GRK3: variants seen among roughly 807,000 people sequenced by gnomAD.
GRK3 encodes the protein G protein-coupled receptor kinase 3.
A neutral mutation model predicts 95.7 loss-of-function variants in GRK3; 54 were observed. The observed-to-expected ratio is 0.56, with a 90% confidence interval of 0.45 to 0.71. The LOEUF (loss-of-function observed/expected upper bound fraction) is 0.71. Ranked by LOEUF, GRK3 falls within the 30% of genes least tolerant of loss-of-function variation. The pLI is 0.00. For synonymous variants in GRK3, 281 were observed against 290.8 expected, an observed-to-expected ratio of 0.97 and a Z score of 0.34; for missense variants, 649 against 851.2, an observed-to-expected ratio of 0.76 and a Z score of 2.96.
At chr22:25,592,455 C>A (rs1932525603) in intron 1 of GRK3, among the ~76,000 whole-genome samples, 1 of 152,088 alleles carries the variant, frequency 6.6e-6, no homozygotes, top group Non-Finnish European at 1.5e-5. Context: ...AGTGTCTTTT[C>A]AGGAGCAGCA....
chr22:25,722,272 T>C lies in GRK3; in HGVS notation c.1906-17T>C. On this transcript the variant is annotated splice_polypyrimidine_tract_variant and intron_variant, in intron 20 of 20. Transcript: ENST00000324198. Reference sequence around the variant, plus strand: ...GGGTGAGCCTGTCACAACGGCTGCCTTTGTATTCCCCCTCAGAGTGATCCA... The same window carrying C: ...GGGTGAGCCTGTCACAACGGCTGCCCTTGTATTCCCCCTCAGAGTGATCCA... The C allele has an allele frequency of 6.2e-7, 1 of 1,611,030 alleles. No homozygotes were observed. The highest frequency in any genetic ancestry group is 8.5e-7 in the Non-Finnish European group (1 of 1,177,438).
intron 1 of GRK3, among the ~76,000 whole-genome samples, chr22:25,572,846 C>T (rs1211658746): frequency 6.6e-6 from 1 of 152,206 alleles, no homozygotes; most frequent in Non-Finnish European, 1.5e-5. Context: ...CTTTCTTAGA[C>T]ATTAACAGAT....
At chr22:25,628,040 T>C (rs1258800790) in intron 2 of GRK3, among the ~76,000 whole-genome samples, 2 of 152,186 alleles carry the variant, frequency 1.3e-5, no homozygotes, top group Non-Finnish European at 2.9e-5. Context: ...AAAGGTCCTA[T>C]TGAGAGACAG....
intron 13 of GRK3, among the ~76,000 whole-genome samples, chr22:25,702,278 T>C (rs1010799341): frequency 9.9e-5 from 15 of 152,274 alleles, no homozygotes; most frequent in African/African-American, 3.6e-4. Flanking sequence ...ACCTAATTAA[T>C]TCAGTAGGAT....
At chr22:25,607,530 G>A (rs948144545) in intron 2 of GRK3, among the ~76,000 whole-genome samples, 20 of 152,022 alleles carry the variant, frequency 1.3e-4, no homozygotes, top group African/African-American at 4.3e-4. Context: ...AATGTTCCAC[G>A]TTCTGGGCTT....
In GRK3 at chr22:25,725,674, C is replaced by T. The variant is rs1255672843; in HGVS notation, c.*3224C>T. 1.8e-5 allele frequency: 7 copies of T among 398,452 alleles called. No individual in the cohort carries two copies. Among genetic ancestry groups the T allele is most frequent in the Admixed American group, 8.8e-5 (2 of 22,716 alleles). 24.7% of individuals were successfully genotyped at this position (398,452 alleles called of 1,614,324 possible). ...TTAAAAAGAAGGGGCTGGCCGGGCA[C>T]GATGGCTCACGCCTATAATCCCAGC... On this transcript the variant is annotated 3_prime_UTR_variant, in exon 21 of 21. Transcript: ENST00000324198.
rs2085466973 is a variant in GRK3, at chr22:25,725,552, A to C, written c.*3102A>C. On this transcript the variant is annotated 3_prime_UTR_variant, in exon 21 of 21. Coordinates refer to ENST00000324198, the MANE Select transcript of GRK3 (RefSeq NM_005160.4). ...CATATTTAAGTATGATTTTTCAACA[A>C]AACTTCTAGAAGTCAGCTTATTATG... 2.5e-6 allele frequency: 1 copy of C among 398,584 alleles called. No homozygotes were observed. 24.7% of individuals were successfully genotyped at this position (398,584 alleles called of 1,614,324 possible). A position where few individuals can be genotyped will look rare whatever the true frequency, so the allele number is the denominator to read the frequency against.
At position 25,626,479 on chromosome 22, in the gene GRK3, T is replaced by C. The variant is rs1002380628; in HGVS notation, c.191-18113T>C. On this transcript the variant is annotated intron_variant, in intron 2 of 20. Coordinates refer to ENST00000324198, the MANE Select transcript of GRK3 (RefSeq NM_005160.4). ...AAGCCAACTTCATTTCCGCAAGAGA[T>C]ATCCCCACTTCCGGGATGCTATTAA... 8.5e-5 allele frequency among the ~76,000 whole-genome samples: 13 copies of C among 152,186 alleles called. No homozygotes were observed. In the South Asian group the frequency reaches 1.5e-3, roughly 17 times the overall value.
At chr22:25,629,762 G>C (rs185025800) in intron 2 of GRK3, among the ~76,000 whole-genome samples, 18 of 152,308 alleles carry the variant, frequency 1.2e-4, no homozygotes, top group Middle Eastern at 3.4e-3. Flanking sequence ...GAAGTGTCAT[G>C]ATCAGCTCCA....
intron 9 of GRK3, among the ~76,000 whole-genome samples, chr22:25,682,477 G>T (rs1043781007): frequency 1.3e-5 from 2 of 152,104 alleles, no homozygotes; most frequent in Non-Finnish European, 2.9e-5. Flanking sequence ...TTTTAAGGGG[G>T]GCTGAGCCTC....
chr22:25,608,759 C>T (rs538044818), intron 2 of GRK3, among the ~76,000 whole-genome samples: 2 of 152,308 alleles, frequency 1.3e-5, no homozygotes, highest in Admixed American at 1.3e-4. Context: ...CCCGGGCTGA[C>T]CGACACCTTG....
rs1053904278 is a variant in GRK3 at position 25,695,008 on chromosome 22, T to C, written c.1053-99T>C. The C allele has an allele frequency of 1.1e-5, 8 of 727,456 alleles. No individual in the cohort carries two copies. The Admixed American group carries it at 1.5e-4, about 14-fold the overall frequency. 45.1% of individuals were successfully genotyped at this position (727,456 alleles called of 1,614,324 possible). The stretch of plus-strand genomic sequence containing the variant: ...ACTGTCCCCTCTCCTTTGTTTACAG[T>C]CGCTGCCATCTAATGAAGGACACCC... On this transcript the variant is annotated intron_variant, in intron 12 of 20. Coordinates refer to ENST00000324198, the MANE Select transcript of GRK3 (RefSeq NM_005160.4).
intron 13 of GRK3, among the ~76,000 whole-genome samples, chr22:25,702,683 A>G (rs1448232697): frequency 3.3e-5 from 5 of 152,266 alleles, no homozygotes; most frequent in Admixed American, 6.5e-5. Context: ...GTAGACATTC[A>G]TTTCATAAAG....
intron 2 of GRK3, among the ~76,000 whole-genome samples, chr22:25,624,391 C>G (rs1030208934): frequency 6.6e-6 from 1 of 151,948 alleles, no homozygotes; most frequent in African/African-American, 2.4e-5. Flanking sequence ...GTGAAACCCC[C>G]TCTCTACTAA....
In GRK3 at chr22:25,700,022, C is replaced by T. The variant is rs377178975; in HGVS notation, c.1161-3488C>T. ...CGCTCTGTTTTCTGTTTTAATCCTC[C>T]TTGCTGTGACCAGCGTGCCCCCTTG... On this transcript the variant is annotated intron_variant, in intron 13 of 20. Coordinates refer to ENST00000324198, the MANE Select transcript of GRK3 (RefSeq NM_005160.4). Among the ~76,000 whole-genome samples, 40 of 152,284 alleles carry T rather than the reference C, an allele frequency of 2.6e-4. 1 individual carries two copies. The highest frequency in any genetic ancestry group is 1.4e-3 in the East Asian group (7 of 5,180).
At chr22:25,571,642 T>C (rs1250838129) in intron 1 of GRK3, among the ~76,000 whole-genome samples, 1 of 152,126 alleles carries the variant, frequency 6.6e-6, no homozygotes. Flanking sequence ...GTCTTGCAAG[T>C]GCTGTGGTGC....
At chr22:25,625,507 C>T (rs1454914041) in intron 2 of GRK3, among the ~76,000 whole-genome samples, 1 of 152,146 alleles carries the variant, frequency 6.6e-6, no homozygotes, top group Non-Finnish European at 1.5e-5. Flanking sequence ...CTAGCGGCAG[C>T]GAAAAGTGTC....
intron 13 of GRK3, 30 bp from the exon 14 acceptor site, chr22:25,703,480 T>G: frequency 6.4e-7 from 1 of 1,570,398 alleles, no homozygotes; most frequent in Non-Finnish European, 8.8e-7. Context: ...TGATGCCATA[T>G]TTTGATAGAA....
At chr22:25,678,737 G>A in intron 8 of GRK3, 79 bp from the exon 9 acceptor site, 1 of 751,132 alleles carries the variant, frequency 1.3e-6, no homozygotes, top group Non-Finnish European at 2.1e-6. Flanking sequence ...TCAGAAACTT[G>A]CCCCAGAGTG....
Sources: gnomAD v4.1 joint callset for allele counts (sites outside exome capture counted in the v4.1 genomes callset) on GRCh38, gnomAD v4.1.1 for gene constraint, MANE v1.5 for transcripts, NCBI Gene and HGNC (gene_info 2026-07-23, HGNC 2026-07-21) for gene names.